The following GGT1 variants were observed in gnomAD, a reference collection of about 807,000 sequenced individuals.
The protein encoded by GGT1 is glutathione hydrolase 1 proenzyme.
A neutral mutation model predicts 56.0 loss-of-function variants in GGT1; 21 were observed. That is an observed-to-expected ratio of 0.38 (90% CI 0.27 to 0.54). The LOEUF is 0.54. Ranked by LOEUF, GGT1 falls within the 20% of genes least tolerant of loss-of-function variation. The probability of loss-of-function intolerance (pLI) is 0.82; values close to 1 mark genes in which losing one functional copy is unlikely to be tolerated. For missense variants in GGT1, 466 were observed against 787.0 expected (o/e 0.59, Z 4.88); for synonymous variants, 238 against 342.6 (o/e 0.69, Z 3.37).
At chr22:24,614,348 C>CA (rs534749815) in intron 5 of GGT1, among the ~76,000 whole-genome samples, 754 of 10,732 alleles carry the variant, frequency 0.07, 205 homozygotes, top group Non-Finnish European at 0.14. Flanking sequence ...GACTTTGTCT[C>CA]AAAAAAAAAA....
chr22:24,593,167 G>T, upstream of GGT1: 1 of 936,328 alleles, frequency 1.1e-6, no homozygotes, highest in Non-Finnish European at 1.3e-6. Context: ...AAGGCTGAGC[G>T]CCCGCCCCAC....
In GGT1 at chr22:24,609,783, C is replaced by T. The variant is rs200256865; in HGVS notation, c.-358-182C>T. The T allele has an allele frequency of 1.3e-5, 4 of 315,996 alleles. No homozygotes were observed. In the East Asian group the frequency reaches 3.2e-4, roughly 25 times the overall value. 19.6% of individuals were successfully genotyped at this position (315,996 alleles called of 1,614,324 possible). A position where few individuals can be genotyped will look rare whatever the true frequency, so the allele number is the denominator to read the frequency against. On this transcript the variant is annotated intron_variant, in intron 2 of 15. Coordinates refer to ENST00000400382, the MANE Select transcript of GGT1 (RefSeq NM_001288833.2). ...CATAGCCATGAGACTTCCCAAGGGT[C>T]ACTGCTGCCACTCACTGCACAGCCT...
Position 24,628,516 on chromosome 22 carries a change from C to G in GGT1, c.1563+128C>G. On this transcript the variant is annotated intron_variant, in intron 15 of 15. Transcript: ENST00000400382. This position sits in a 1 kb window ranked among gnomAD's most constrained non-coding sequence, Gnocchi z 5.7. ...CTCTAGTGCCTGGGCCATCTGGAGCCCCTGTGCCATGAGGGCCAAGCCCCC... is the reference window on the plus strand; with the variant it reads ...CTCTAGTGCCTGGGCCATCTGGAGCGCCTGTGCCATGAGGGCCAAGCCCCC... 1 of 1,340,392 alleles carries G rather than the reference C, an allele frequency of 7.5e-7. No homozygotes were observed. Among genetic ancestry groups the G allele is most frequent in the East Asian group, 2.4e-5 (1 of 40,872 alleles). 83.0% of individuals were successfully genotyped at this position (1,340,392 alleles called of 1,614,324 possible).
upstream of GGT1, among the ~76,000 whole-genome samples, chr22:24,601,898 C>T (rs1222630826): frequency 1.2e-4 from 18 of 152,216 alleles, no homozygotes; most frequent in Non-Finnish European, 1.5e-5. Flanking sequence ...CCCCAATCAG[C>T]ACTCCCTTCT....
chr22:24,621,923 G>T (rs1450995230), intron 9 of GGT1, among the ~76,000 whole-genome samples: 1 of 152,024 alleles, frequency 6.6e-6, no homozygotes, highest in Non-Finnish European at 1.5e-5. Context: ...GGTAGGTTGT[G>T]CCTGTAATCC....
chr22:24,621,191 G>A, intron 9 of GGT1, 121 bp downstream of exon 9: 4 of 1,474,302 alleles, frequency 2.7e-6, no homozygotes, highest in Non-Finnish European at 3.6e-6. Flanking sequence ...TGGTGGAGGA[G>A]GGTCAGTGAC....
the GGT1 span, chr22:24,588,095 A>T: frequency 1.3e-6 from 1 of 763,478 alleles, no homozygotes; most frequent in Non-Finnish European, 2.2e-6. Context: ...CATGCGGACC[A>T]GGTGAGGGCC....
intron 11 of GGT1, 153 bp downstream of exon 11, chr22:24,624,069 C>T (rs200214345): frequency 1.0e-6 from 1 of 985,298 alleles, no homozygotes; most frequent in African/African-American, 1.7e-5. Flanking sequence ...CGGATGGACT[C>T]GTGGGTGACC....
At chr22:24,588,573 G>A in the GGT1 span, 2 of 864,140 alleles carry the variant, frequency 2.3e-6, no homozygotes, top group East Asian at 3.4e-5. Context: ...CCCGGCGGGA[G>A]GAAGCCCAGA....
At chr22:24,626,532 T>C (rs1027670048) in intron 11 of GGT1, among the ~76,000 whole-genome samples, 5 of 151,840 alleles carry the variant, frequency 3.3e-5, no homozygotes, top group Non-Finnish European at 5.9e-5. Flanking sequence ...ACCCATGCTC[T>C]TCAGGTCTGA....
At chr22:24,598,365 G>A (rs1177483135), upstream of GGT1, among the ~76,000 whole-genome samples, 1 of 146,740 alleles carries the variant, frequency 6.8e-6, no homozygotes, top group Non-Finnish European at 1.5e-5. Context: ...GGTTGAACCC[G>A]AGGGGTGCAA....
At chr22:24,606,969 G>A (rs2147280899) in intron 1 of GGT1, among the ~76,000 whole-genome samples, 2 of 150,712 alleles carry the variant, frequency 1.3e-5, no homozygotes, top group African/African-American at 4.9e-5. Flanking sequence ...AGGGCCACAG[G>A]GGAATGGGCA....
rs2047913388 is a variant in GGT1, at chr22:24,628,228, A to C, written c.1449+35A>C. The C allele has an allele frequency of 6.2e-7, 1 of 1,611,508 alleles. No homozygotes were observed. Among genetic ancestry groups the C allele is most frequent in the Admixed American group, 1.7e-5 (1 of 59,954 alleles). On this transcript the variant is annotated intron_variant, in intron 14 of 15. Transcript: ENST00000400382. This position sits in a 1 kb window ranked among gnomAD's most constrained non-coding sequence, Gnocchi z 5.7. Reference sequence around the variant, plus strand: ...ACACCTTTTCTCCCTGGCCGTGCCCACCCTGCACAGCCCCCAAGCCATGCT... The same window carrying C: ...ACACCTTTTCTCCCTGGCCGTGCCCCCCCTGCACAGCCCCCAAGCCATGCT...
At chr22:24,601,206 G>A (rs1479350463), upstream of GGT1, among the ~76,000 whole-genome samples, 1 of 152,222 alleles carries the variant, frequency 6.6e-6, no homozygotes, top group East Asian at 1.9e-4. Flanking sequence ...CTTGCATCTG[G>A]ACCGATCCGC....
chr22:24,611,028 A>C lies in GGT1; in HGVS notation c.-7-47A>C, dbSNP rs541425874. ...GTGCCCTGTTGGGGAGGGGCCAGGG[A>C]ATGTCTGAGGCTAGGCCTGACCCTG... On this transcript the variant is annotated intron_variant, in intron 4 of 15. Transcript: ENST00000400382. The C allele has an allele frequency of 1.2e-3, 1,873 of 1,555,260 alleles. 10 individuals are homozygous for C. The highest frequency in any genetic ancestry group is 2.3e-3 in the East Asian group (96 of 42,226).
chr22:24,627,382 T>TGCCCCCC, intron 11 of GGT1, 50 bp from the exon 12 acceptor site: 36 of 580,414 alleles, frequency 6.2e-5, no homozygotes, highest in East Asian at 9.3e-5. Flanking sequence ...CTGTGCCCCC[T>TGCCCCCC]CCCCACCCTC....
At chr22:24,622,201 T>G (rs1240174992) in intron 9 of GGT1, among the ~76,000 whole-genome samples, 1 of 57,704 alleles carries the variant, frequency 1.7e-5, no homozygotes. Flanking sequence ...ATTGAGAAAC[T>G]ACATAAATAT....
chr22:24,620,899 C>T lies in GGT1; in HGVS notation c.576-14C>T, dbSNP rs1223650606. On this transcript the variant is annotated splice_polypyrimidine_tract_variant and intron_variant, in intron 8 of 15. Coordinates refer to ENST00000400382, the MANE Select transcript of GGT1 (RefSeq NM_001288833.2). This position sits in a 1 kb window ranked among gnomAD's most constrained non-coding sequence, Gnocchi z 5.6. ...ACCCCACCTGCTGCCTCACATGAGC[C>T]CCCTCTGCCCCAGTGAGGTGTTCTG... is the stretch of plus-strand genomic sequence containing the variant. The T allele has an allele frequency of 1.2e-6, 2 of 1,611,500 alleles. No homozygotes were observed. Among genetic ancestry groups the T allele is most frequent in the Non-Finnish European group, 1.7e-6 (2 of 1,179,612 alleles).
upstream of GGT1, among the ~76,000 whole-genome samples, chr22:24,602,287 C>G (rs1173409963): frequency 6.6e-6 from 1 of 152,208 alleles, no homozygotes; most frequent in Non-Finnish European, 1.5e-5. Context: ...GGTGTCTGCC[C>G]CTTCCCTAGG....
Sources: gnomAD v4.1 joint callset for allele counts (sites outside exome capture counted in the v4.1 genomes callset) on GRCh38, gnomAD v4.1.1 for gene constraint, Gnocchi (gnomAD v3.1) non-coding constraint, MANE v1.5 for transcripts, NCBI Gene and HGNC (gene_info 2026-07-23, HGNC 2026-07-21) for gene names.